SLCO1A2: variants seen among roughly 807,000 people sequenced by gnomAD.
SLCO1A2 encodes OATP-1.
A neutral mutation model predicts 69.0 loss-of-function variants in SLCO1A2; 67 were observed. That is an observed-to-expected ratio of 0.97 (90% CI 0.80 to 1.19). The LOEUF is 1.19. SLCO1A2 is among the 50% of genes most tolerant of loss of function. The pLI is 0.00. For synonymous variants in SLCO1A2, 260 were observed against 265.9 expected (o/e 0.98, Z 0.22); for missense variants, 787 against 793.7 (o/e 0.99, Z 0.10).
At chr12:21,382,046 A>G (rs1299935355) in intron 1 of SLCO1A2, among the ~76,000 whole-genome samples, 1 of 152,222 alleles carries the variant, frequency 6.6e-6, no homozygotes, top group African/African-American at 2.4e-5. Context: ...ATAGCAGTAC[A>G]ATTCACAGTT....
Position 21,317,939 on chromosome 12 carries a change from T to C in SLCO1A2, c.202+843A>G, listed in dbSNP as rs772068551. On this transcript the variant is annotated intron_variant, in intron 3 of 14. Coordinates refer to ENST00000683939, the MANE Select transcript of SLCO1A2 (RefSeq NM_001386879.1). The stretch of plus-strand genomic sequence containing the variant: ...AGAATCTATGAGTAGACTTTATTTT[T>C]CTCTAGAGGCTGCCTCTGAAATGAA... Among the ~76,000 whole-genome samples, 121 of 152,090 alleles carry C rather than the reference T, an allele frequency of 8.0e-4. 2 individuals carry two copies. Among genetic ancestry groups the C allele is most frequent in the Non-Finnish European group, 5.3e-4 (36 of 68,008 alleles).
At chr12:21,307,679 A>G (rs577637997) in intron 4 of SLCO1A2, among the ~76,000 whole-genome samples, 111 of 152,310 alleles carry the variant, frequency 7.3e-4, no homozygotes, top group African/African-American at 2.6e-3. Context: ...GTAAGATGGG[A>G]AAAAAAGTAT....
chr12:21,373,842 T>G, intron 2 of SLCO1A2: 1 of 528,734 alleles, frequency 1.9e-6, no homozygotes, highest in Non-Finnish European at 3.3e-6. Flanking sequence ...TACTTAGATT[T>G]TTGTTTTCCT....
intron 5 of SLCO1A2, among the ~76,000 whole-genome samples, chr12:21,304,859 T>G (rs1949160504): frequency 6.6e-6 from 1 of 152,118 alleles, no homozygotes; most frequent in South Asian, 2.1e-4. Context: ...GACACCTCAT[T>G]GGTAGTTTCA....
Position 21,383,132 on chromosome 12 carries a change from CTTTGT to C in SLCO1A2, c.-189-8612_-189-8608del, listed in dbSNP as rs1469398097. Among the ~76,000 whole-genome samples the C allele has an allele frequency of 2.6e-5, 4 of 152,086 alleles. No individual in the cohort carries two copies. In the East Asian group the frequency reaches 7.7e-4, roughly 29 times the overall value. On this transcript the variant is annotated intron_variant, in intron 1 of 15. Transcript: ENST00000307378. ...CCCTACCCATTATGAGATACTTTTG[CTTTGT>C]TTTATTTTGTTTTTTAAGGTTTTAA...
intron 1 of SLCO1A2, among the ~76,000 whole-genome samples, chr12:21,387,671 C>A (rs537319116): frequency 1.3e-5 from 2 of 152,194 alleles, no homozygotes; most frequent in Non-Finnish European, 2.9e-5. Flanking sequence ...CCCTCATGGA[C>A]CCCTGCTAGC....
At chr12:21,349,926 CA>C (rs1283377544) in intron 2 of SLCO1A2, among the ~76,000 whole-genome samples, 2 of 152,166 alleles carry the variant, frequency 1.3e-5, no homozygotes, top group African/African-American at 4.8e-5. Flanking sequence ...TAAGTTCCAT[CA>C]AAGTAGAAAC....
rs745627320 is a variant in SLCO1A2, at chr12:21,306,918, C to T, written c.406G>A (p.Gly136Arg). ...TGCGTTGGTCTTAAAATCTGGGTTC[C>T]ATTTTCCATACACAAGAAACTGTTT... ...SSNSFLCMEN[G>R]TQILRPTQDP... The change falls in exon 5 of 15, where the codon GGA becomes AGA. Residue 136 changes from glycine to arginine, a missense_variant. Transcript: ENST00000683939. The T allele has an allele frequency of 4.0e-5, 64 of 1,613,726 alleles. No homozygotes were observed. The highest frequency in any genetic ancestry group is 5.3e-5 in the African/African-American group (4 of 74,894).
intron 2 of SLCO1A2, among the ~76,000 whole-genome samples, chr12:21,364,642 A>T (rs1939221302): frequency 6.6e-6 from 1 of 152,218 alleles, no homozygotes; most frequent in African/African-American, 2.4e-5. Context: ...GTATATTTAG[A>T]AAACCCCAAC....
chr12:21,302,880 C>A (rs142350951), intron 6 of SLCO1A2, among the ~76,000 whole-genome samples: 1 of 151,384 alleles, frequency 6.6e-6, no homozygotes, highest in African/African-American at 2.4e-5. Flanking sequence ...TTAGTAGAGA[C>A]GGGGTTTCAT....
rs538147048 is a variant in SLCO1A2 at position 21,403,913 on chromosome 12, C to A, written c.-312+13969G>T. Among the ~76,000 whole-genome samples the A allele has an allele frequency of 3.3e-5, 5 of 152,110 alleles. No homozygotes were observed. In the South Asian group the frequency reaches 1.0e-3, roughly 32 times the overall value. Reference sequence around the variant, plus strand: ...ATCAAATATAATATGTTAATGTACTCATTGAGTAAACTGACACACATATAT... The same window carrying A: ...ATCAAATATAATATGTTAATGTACTAATTGAGTAAACTGACACACATATAT... On this transcript the variant is annotated intron_variant, in intron 1 of 4. Transcript: ENST00000413682.
intron 1 of SLCO1A2, among the ~76,000 whole-genome samples, chr12:21,401,136 A>T (rs1191465482): frequency 6.6e-6 from 1 of 152,046 alleles, no homozygotes; most frequent in Non-Finnish European, 1.5e-5. Context: ...ATACAAGAAA[A>T]TGAGAAAATG....
upstream of SLCO1A2, among the ~76,000 whole-genome samples, chr12:21,395,778 G>T (rs977155131): frequency 6.6e-6 from 1 of 152,064 alleles, no homozygotes; most frequent in Non-Finnish European, 1.5e-5. Flanking sequence ...CACCTCAAAC[G>T]GCAGGGTACT....
At chr12:21,410,828 C>T (rs1941895974) in intron 1 of SLCO1A2, among the ~76,000 whole-genome samples, 1 of 152,096 alleles carries the variant, frequency 6.6e-6, no homozygotes, top group Non-Finnish European at 1.5e-5. Context: ...TTTCTCTGAT[C>T]ATTAAAGAGA....
intron 2 of SLCO1A2, among the ~76,000 whole-genome samples, chr12:21,321,388 C>A (rs1161523045): frequency 6.6e-6 from 1 of 152,172 alleles, no homozygotes; most frequent in Non-Finnish European, 1.5e-5. Context: ...AATTGAAATC[C>A]TGTTTACTCT....
At chr12:21,366,934 T>C (rs1470603653) in intron 2 of SLCO1A2, among the ~76,000 whole-genome samples, 4 of 151,790 alleles carry the variant, frequency 2.6e-5, no homozygotes, top group Non-Finnish European at 5.9e-5. Context: ...AGGAGACAAA[T>C]ATCAAGAAAA....
intron 1 of SLCO1A2, among the ~76,000 whole-genome samples, chr12:21,376,563 C>T (rs1439993034): frequency 6.6e-6 from 1 of 151,990 alleles, no homozygotes. Flanking sequence ...ATAATTTGTT[C>T]AAACATTTGT....
At chr12:21,380,696 G>T (rs1940529952) in intron 1 of SLCO1A2, among the ~76,000 whole-genome samples, 1 of 152,148 alleles carries the variant, frequency 6.6e-6, no homozygotes, top group African/African-American at 2.4e-5. Flanking sequence ...GTAATTGGAG[G>T]TACCAACAGT....
intron 2 of SLCO1A2, among the ~76,000 whole-genome samples, chr12:21,327,747 A>G (rs1952347997): frequency 6.6e-6 from 1 of 152,108 alleles, no homozygotes; most frequent in Non-Finnish European, 1.5e-5. Context: ...TGTATCTAGG[A>G]AGTAACTAAC....
Sources: gnomAD v4.1 joint callset for allele counts (sites outside exome capture counted in the v4.1 genomes callset) on GRCh38, gnomAD v4.1.1 for gene constraint, MANE v1.5 for transcripts, NCBI Gene and HGNC (gene_info 2026-07-23, HGNC 2026-07-21) for gene names.